The following BEND3 variants were observed in gnomAD, a reference collection of about 807,000 sequenced individuals.
BEND3 encodes BEN domain-containing protein 3.
Under a neutral mutation model 60.1 loss-of-function variants are expected in BEND3, and 13 were observed. The observed-to-expected ratio is 0.22, with a 90% CI of 0.14 to 0.34. The LOEUF (loss-of-function observed/expected upper bound fraction) is 0.34, where lower values mean the gene tolerates loss of function less well. BEND3 is among the 10% of genes least tolerant of loss of function. The pLI is 1.00. For synonymous variants in BEND3, 497 were observed against 491.5 expected, an observed-to-expected ratio of 1.01 and a Z score of -0.15; for missense variants, 896 against 1,138.1, an observed-to-expected ratio of 0.79 and a Z score of 3.06.
chr6:107,073,745 G>A (rs1414368074), intron 3 of BEND3, among the ~76,000 whole-genome samples: 1 of 151,760 alleles, frequency 6.6e-6, no homozygotes, highest in African/African-American at 2.4e-5. Context: ...AAATAAGCTG[G>A]GAGTGGTGGT....
rs74523795 is a variant in BEND3 at position 107,082,720 on chromosome 6, C to T, written c.241-11770G>A. Among the ~76,000 whole-genome samples, 153 of 152,288 alleles carry T rather than the reference C, an allele frequency of 1.0e-3. 1 individual carries two copies. Among genetic ancestry groups the T allele is most frequent in the African/African-American group, 3.5e-3 (147 of 41,570 alleles). ...CTGGGATTACAGGCGTGAGCAACCGCGCCCAGCCTAGTGGTTGCTTTAAAC... is the reference window on the plus strand; with the variant it reads ...CTGGGATTACAGGCGTGAGCAACCGTGCCCAGCCTAGTGGTTGCTTTAAAC... On this transcript the variant is annotated intron_variant, in intron 3 of 3. Coordinates refer to ENST00000369042, the MANE Select transcript of BEND3 (RefSeq NM_001367314.1).
At chr6:107,086,286 A>C (rs311221) in intron 3 of BEND3, among the ~76,000 whole-genome samples, 1 of 151,918 alleles carries the variant, frequency 6.6e-6, no homozygotes, top group African/African-American at 2.4e-5. Flanking sequence ...GAGGAACTAC[A>C]AAGTCCAAGT....
rs1554231333 is a variant in BEND3 at position 107,069,103 on chromosome 6, C to T, written c.2088G>A (p.Lys696=). The T allele has an allele frequency of 6.2e-7, 1 of 1,612,948 alleles. No homozygotes were observed. Among genetic ancestry groups the T allele is most frequent in the Non-Finnish European group, 8.5e-7 (1 of 1,179,962 alleles). Residue 696 remains lysine (K), a synonymous_variant, in exon 4 of 4, where the codon AAG becomes AAA. Transcript: ENST00000369042. ...CGTCCAAGGGGATCTTGCAAAAGTC[C>T]TTGCTGCTCCTCTCGGGGGGCAGTG... The part of the protein sequence containing the change: ...GPPLPPERSS[K]DFCKIPLDEL...
At chr6:107,078,566 T>G (rs369273690) in intron 3 of BEND3, among the ~76,000 whole-genome samples, 3 of 8,864 alleles carry the variant, frequency 3.4e-4, no homozygotes, top group African/African-American at 1.4e-3. Context: ...GCCATTCTCC[T>G]GCCTCAGCCT....
In BEND3 at chr6:107,068,669, T is replaced by G; in HGVS notation, c.*35A>C. ...CCAAGGGTGCCCATCGCTCAGCCTC[T>G]GGTGACCCCGAATCTCTGGGCAGGT... On this transcript the variant is annotated 3_prime_UTR_variant, in exon 4 of 4. Transcript: ENST00000369042. The surrounding 1 kb of genome is among the most constrained non-coding windows in gnomAD (Gnocchi z 5.8). 9.4e-6 allele frequency: 15 copies of G among 1,593,260 alleles called. No homozygotes were observed. The highest frequency in any genetic ancestry group is 1.1e-5 in the Non-Finnish European group (13 of 1,170,312).
intron 1 of BEND3, among the ~76,000 whole-genome samples, chr6:107,106,936 C>CTTTTTT (rs35443143): frequency 7.8e-6 from 1 of 128,560 alleles, no homozygotes; most frequent in African/African-American, 3.0e-5. Context: ...TCAAAGAGGG[C>CTTTTTT]TTTTTTTTTT....
At chr6:107,079,214 G>A (rs1201132852) in intron 3 of BEND3, among the ~76,000 whole-genome samples, 2 of 152,194 alleles carry the variant, frequency 1.3e-5, no homozygotes, top group Non-Finnish European at 2.9e-5. Context: ...GGGGCAGTAG[G>A]AGGAGGGCCC....
chr6:107,100,416 A>T (rs9480734), intron 1 of BEND3, among the ~76,000 whole-genome samples: 4,289 of 152,068 alleles, frequency 0.028, 197 homozygotes, highest in African/African-American at 0.099. Flanking sequence ...TACAGGCATA[A>T]GCCACCACTC....
At chr6:107,085,040 C>T (rs1775313419) in intron 3 of BEND3, among the ~76,000 whole-genome samples, 1 of 152,186 alleles carries the variant, frequency 6.6e-6, no homozygotes, top group Non-Finnish European at 1.5e-5. Flanking sequence ...ACACTCATCA[C>T]GACGGTCTGC....
At chr6:107,079,149 G>A (rs6919320) in intron 3 of BEND3, among the ~76,000 whole-genome samples, 7,036 of 152,210 alleles carry the variant, frequency 0.046, 521 homozygotes, top group African/African-American at 0.16. Flanking sequence ...AGAGGATGTC[G>A]GGAGCACAGC....
intron 1 of BEND3, among the ~76,000 whole-genome samples, chr6:107,106,583 G>A (rs1219771290): frequency 6.6e-6 from 1 of 152,168 alleles, no homozygotes; most frequent in Non-Finnish European, 1.5e-5. Context: ...GGAACTGCAT[G>A]AAACCCTGGC....
At chr6:107,108,797 T>TA (rs1336634417) in intron 1 of BEND3, among the ~76,000 whole-genome samples, 1 of 151,888 alleles carries the variant, frequency 6.6e-6, no homozygotes, top group Non-Finnish European at 1.5e-5. Context: ...GAAAAAAAAT[T>TA]AAGAGGGTTG....
Position 107,070,956 on chromosome 6 carries a change from A to G in BEND3, c.241-6T>C. On this transcript the variant is annotated splice_region_variant and splice_polypyrimidine_tract_variant and intron_variant, in intron 3 of 3. Coordinates refer to ENST00000369042, the MANE Select transcript of BEND3 (RefSeq NM_001367314.1). This position sits in a 1 kb window ranked among gnomAD's most constrained non-coding sequence, Gnocchi z 6.9. Reference sequence around the variant, plus strand: ...CGCATGCCTGCTAGGAGAGCCTGCAAAACAAAAATCATTTCCCAGAGTGTT... The same window carrying G: ...CGCATGCCTGCTAGGAGAGCCTGCAGAACAAAAATCATTTCCCAGAGTGTT... 1 of 1,599,362 alleles carries G rather than the reference A, an allele frequency of 6.3e-7. No individual in the cohort carries two copies. The highest frequency in any genetic ancestry group is 8.5e-7 in the Non-Finnish European group (1 of 1,172,704).
Position 107,069,260 on chromosome 6 carries a change from C to T in BEND3, c.1931G>A (p.Arg644Gln), listed in dbSNP as rs1461168281. ...GCGCCTTTGCTCCGTGTCCCGGCGCCGGCAGCGCTCATCCAGTTTGCCCAC... is the reference window on the plus strand; with the variant it reads ...GCGCCTTTGCTCCGTGTCCCGGCGCTGGCAGCGCTCATCCAGTTTGCCCAC... ...EFVGKLDERC[R>Q]RRDTEQRRSY... The change falls in exon 4 of 4, where the codon CGG becomes CAG. Residue 644 changes from arginine to glutamine, a missense_variant. By Grantham distance (43) the Arg-to-Gln change is conservative. Transcript: ENST00000369042. The T allele has an allele frequency of 1.9e-6, 3 of 1,611,446 alleles. No homozygotes were observed. Among genetic ancestry groups the T allele is most frequent in the Non-Finnish European group, 2.5e-6 (3 of 1,179,230 alleles).
In BEND3 at chr6:107,070,146, G is replaced by T. The variant is rs1774937550; in HGVS notation, c.1045C>A (p.Gln349Lys). 1 of 1,612,926 alleles carries T rather than the reference G, an allele frequency of 6.2e-7. No individual in the cohort carries two copies. The change falls in exon 4 of 4, where the codon CAG (glutamine) becomes AAG (lysine). Residue 349 changes from glutamine to lysine, a missense_variant. Gln to Lys is a moderately conservative substitution (Grantham distance 53). This residue lies in a region of BEND3 where 846 missense variants were observed against 1,036.7 expected (regional missense o/e 0.82). Coordinates refer to ENST00000369042, the MANE Select transcript of BEND3 (RefSeq NM_001367314.1). The surrounding 1 kb of genome is among the most constrained non-coding windows in gnomAD (Gnocchi z 6.9). ...FWAQREMEDS[Q>K]PSGQVASFFE... ...AAGCTGGCGACCTGGCCGCTGGGCT[G>T]GCTGTCCTCCATTTCCCGCTGGGCC...
intron 3 of BEND3, among the ~76,000 whole-genome samples, chr6:107,087,885 C>T (rs1258819649): frequency 1.3e-5 from 2 of 148,840 alleles, no homozygotes; most frequent in African/African-American, 5.0e-5. Flanking sequence ...CCCACCTCAG[C>T]CTCCCAAAGT....
chr6:107,073,506 C>T (rs1391606677), intron 3 of BEND3, among the ~76,000 whole-genome samples: 1 of 151,954 alleles, frequency 6.6e-6, no homozygotes, highest in Non-Finnish European at 1.5e-5. Flanking sequence ...TCCCCAGTGC[C>T]TAGCAAAGTG....
In BEND3 at chr6:107,069,529, C is replaced by T. The variant is rs1211553578; in HGVS notation, c.1662G>A (p.Leu554=). The part of the protein sequence containing the change: ...PDFEVPGADC[L]LSKEQLRSIY... ...TGCTGCGTAGCTGCTCCTTGCTGAG[C>T]AGGCAGTCGGCACCGGGCACCTCGA... is the stretch of plus-strand genomic sequence containing the variant. The change falls in exon 4 of 4, where the codon CTG becomes CTA. Residue 554 remains leucine, a synonymous_variant. Coordinates refer to ENST00000369042, the MANE Select transcript of BEND3 (RefSeq NM_001367314.1). 6.2e-7 allele frequency: 1 copy of T among 1,613,116 alleles called. No individual in the cohort carries two copies. Among genetic ancestry groups the T allele is most frequent in the African/African-American group, 1.3e-5 (1 of 74,952 alleles).
rs782358958 is a variant in BEND3 at position 107,069,967 on chromosome 6, G to A, written c.1224C>T (p.Gly408=). Reference sequence around the variant, plus strand: ...GGTGGAGGAGGAAGACGGCAAACTCGCCTGGTGAGGAGGCTTCGTCCAGGA... The same window carrying A: ...GGTGGAGGAGGAAGACGGCAAACTCACCTGGTGAGGAGGCTTCGTCCAGGA... ...TEFLDEASSP[G]EFAVFLLHRL... The change falls in exon 4 of 4, where the codon GGC becomes GGT. Residue 408 remains glycine, a synonymous_variant. Transcript: ENST00000369042. The A allele has an allele frequency of 5.0e-6, 8 of 1,613,466 alleles. No individual in the cohort carries two copies. The highest frequency in any genetic ancestry group is 1.7e-4 in the Middle Eastern group (1 of 6,046).
Sources: allele counts gnomAD v4.1 joint callset (sites outside exome capture counted in the v4.1 genomes callset), GRCh38; gene constraint gnomAD v4.1.1; regional missense constraint gnomAD v4.1.1; non-coding constraint Gnocchi (gnomAD v3.1); transcripts MANE v1.5; gene names NCBI Gene and HGNC (gene_info 2026-07-23, HGNC 2026-07-21).